LYPLAL1: variants seen among roughly 807,000 people sequenced by gnomAD.
LYPLAL1 encodes the protein lysophospholipase like 1, also known as lysophospholipase-like protein 1.
In LYPLAL1, 23 loss-of-function variants were observed where a neutral mutation model predicts 19.7. The observed-to-expected ratio is 1.17, with a 90% confidence interval of 0.84 to 1.65. The LOEUF is 1.65. Ranked by LOEUF, LYPLAL1 falls within the 40% of genes most tolerant of loss-of-function variation. The probability of loss-of-function intolerance (pLI) is 0.00; values close to 1 mark genes in which losing one functional copy is unlikely to be tolerated. For synonymous variants in LYPLAL1, 119 were observed against 96.3 expected (o/e 1.24, Z -1.38); for missense variants, 355 against 279.4 (o/e 1.27, Z -1.93).
the LYPLAL1 span, among the ~76,000 whole-genome samples, chr1:219,407,869 A>G: frequency 6.6e-6 from 1 of 152,118 alleles, no homozygotes; most frequent in African/African-American, 2.4e-5. Flanking sequence ...CAGGTTGCAG[A>G]TGACCAACTT....
the LYPLAL1 span, among the ~76,000 whole-genome samples, chr1:219,428,433 G>A: frequency 2.6e-5 from 4 of 152,180 alleles, no homozygotes; most frequent in African/African-American, 9.7e-5. Flanking sequence ...CAGCAACAGC[G>A]TAGCTCATCA....
the LYPLAL1 span, among the ~76,000 whole-genome samples, chr1:219,289,916 G>A: frequency 2.1e-4 from 32 of 152,166 alleles, no homozygotes; most frequent in African/African-American, 7.7e-4. Flanking sequence ...AAACACATTA[G>A]TTATCCCTTC....
At chr1:219,184,904 G>C (rs1400420267) in intron 2 of LYPLAL1, among the ~76,000 whole-genome samples, 1 of 151,310 alleles carries the variant, frequency 6.6e-6, no homozygotes, top group Non-Finnish European at 1.5e-5. Context: ...TAATGCCTTT[G>C]AAAAACGTTA....
Position 219,173,904 on chromosome 1 carries a change from C to T in LYPLAL1, c.14C>T (p.Ser5Leu), listed in dbSNP as rs1259903213. 2.1e-5 allele frequency: 34 copies of T among 1,613,046 alleles called. No individual in the cohort carries two copies. The highest frequency in any genetic ancestry group is 1.0e-4 in the Admixed American group (6 of 60,014). ...GTGGCATCAGCGATGGCGGCTGCGT[C>T]GGGGTCGGTTCTGCAGCGCTGTATC... MAAA[S>L]GSVLQRCIVS... is the part of the protein sequence containing the mutation. The change falls in exon 1 of 5, where the codon TCG becomes TTG. Residue 5 changes from serine (S) to leucine (L), a missense_variant. By Grantham distance (145) the Ser-to-Leu change is moderately radical. Coordinates refer to ENST00000366928, the MANE Select transcript of LYPLAL1 (RefSeq NM_138794.5).
At chr1:219,178,290 G>C (rs866841522) in intron 1 of LYPLAL1, among the ~76,000 whole-genome samples, 1 of 152,106 alleles carries the variant, frequency 6.6e-6, no homozygotes, top group Admixed American at 6.5e-5. Context: ...TTATTTGTGT[G>C]ATTTTTTGAC....
At chr1:219,400,751 C>T in the LYPLAL1 span, among the ~76,000 whole-genome samples, 1 of 152,190 alleles carries the variant, frequency 6.6e-6, no homozygotes, top group African/African-American at 2.4e-5. Flanking sequence ...CCACCTGCCT[C>T]AACCTCCTAG....
At chr1:219,285,492 A>G in the LYPLAL1 span, among the ~76,000 whole-genome samples, 1 of 152,250 alleles carries the variant, frequency 6.6e-6, no homozygotes, top group Admixed American at 6.5e-5. Context: ...CCATCAACAA[A>G]TGAATAAAGT....
At chr1:219,318,425 A>G in the LYPLAL1 span, among the ~76,000 whole-genome samples, 5 of 148,716 alleles carry the variant, frequency 3.4e-5, no homozygotes, top group Middle Eastern at 3.4e-3. Flanking sequence ...TCTTCTTCAC[A>G]TTGCAACTTG....
chr1:219,312,995 T>C, the LYPLAL1 span, among the ~76,000 whole-genome samples: 1 of 152,240 alleles, frequency 6.6e-6, no homozygotes, highest in Non-Finnish European at 1.5e-5. Context: ...AACATCTCTT[T>C]TTCTGTTTAG....
the LYPLAL1 span, among the ~76,000 whole-genome samples, chr1:219,344,247 C>A: frequency 1.3e-5 from 2 of 152,154 alleles, no homozygotes. Flanking sequence ...ACCAGTGAAC[C>A]CCCATTGTTT....
chr1:219,346,047 A>G, the LYPLAL1 span, among the ~76,000 whole-genome samples: 9 of 152,210 alleles, frequency 5.9e-5, no homozygotes, highest in African/African-American at 2.2e-4. Context: ...AAGGGAGTCC[A>G]GGTATTACTG....
chr1:219,377,938 T>C, the LYPLAL1 span, among the ~76,000 whole-genome samples: 1 of 152,206 alleles, frequency 6.6e-6, no homozygotes, highest in Non-Finnish European at 1.5e-5. Flanking sequence ...TCTGAACTAA[T>C]TCAATTCTGC....
chr1:219,226,892 T>A, the LYPLAL1 span, among the ~76,000 whole-genome samples: 1 of 152,218 alleles, frequency 6.6e-6, no homozygotes, highest in South Asian at 2.1e-4. Context: ...TCTCATTAAG[T>A]TTAAGTATTA....
the LYPLAL1 span, among the ~76,000 whole-genome samples, chr1:219,346,840 C>G: frequency 6.6e-6 from 1 of 152,146 alleles, no homozygotes; most frequent in Non-Finnish European, 1.5e-5. Context: ...AAACAGAGAC[C>G]AGGAAGAGCA....
chr1:219,279,179 T>C, the LYPLAL1 span, among the ~76,000 whole-genome samples: 7 of 152,184 alleles, frequency 4.6e-5, no homozygotes, highest in Admixed American at 1.3e-4. Context: ...GTTGGGTTAA[T>C]GTTCTTGCAT....
chr1:219,424,964 C>T, the LYPLAL1 span, among the ~76,000 whole-genome samples: 267 of 152,184 alleles, frequency 1.8e-3, 2 homozygotes, highest in African/African-American at 6.3e-3. Context: ...TAACTTAATC[C>T]GTACAGTAAT....
chr1:219,340,383 A>G, the LYPLAL1 span, among the ~76,000 whole-genome samples: 2 of 152,042 alleles, frequency 1.3e-5, no homozygotes, highest in Non-Finnish European at 2.9e-5. Flanking sequence ...CGCTTCTGTT[A>G]TTATACAAGA....
chr1:219,174,392 C>G, intron 1 of LYPLAL1: 1 of 651,934 alleles, frequency 1.5e-6, no homozygotes, highest in Non-Finnish European at 2.0e-6. Flanking sequence ...ATTGCTTTTT[C>G]CAGGCTCCCA....
chr1:219,263,086 A>C, the LYPLAL1 span, among the ~76,000 whole-genome samples: 2 of 152,126 alleles, frequency 1.3e-5, no homozygotes, highest in Non-Finnish European at 2.9e-5. Context: ...AAAGCTCCCA[A>C]GAATTTATGT....
Sources: gnomAD v4.1 joint callset for allele counts (sites outside exome capture counted in the v4.1 genomes callset) on GRCh38, gnomAD v4.1.1 for gene constraint, MANE v1.5 for transcripts, NCBI Gene and HGNC (gene_info 2026-07-23, HGNC 2026-07-21) for gene names.